PPARA: variants seen among roughly 807,000 people sequenced by gnomAD.
PPARA encodes peroxisome proliferator activated receptor alpha, also known as peroxisome proliferator-activated receptor alpha.
Under a neutral mutation model 42.2 loss-of-function variants are expected in PPARA, and 22 were observed. The ratio of observed to expected loss-of-function variants is 0.52; its 90% confidence interval spans 0.37 to 0.74. The LOEUF is 0.74. Among genes scored for constraint, PPARA ranks in the 30% least tolerant of loss-of-function variants. The probability of loss-of-function intolerance (pLI) is 0.00; values close to 1 mark genes in which losing one functional copy is unlikely to be tolerated. For synonymous variants in PPARA, 242 were observed against 239.3 expected (o/e 1.01, Z -0.10); for missense variants, 465 against 608.2 (o/e 0.76, Z 2.48).
chr22:46,193,034 A>G lies in PPARA; in HGVS notation c.-42-5308A>G, dbSNP rs560729607. 7.9e-5 allele frequency among the ~76,000 whole-genome samples: 12 copies of G among 152,194 alleles called. No individual in the cohort carries two copies. The highest frequency in any genetic ancestry group is 2.9e-4 in the African/African-American group (12 of 41,550). On this transcript the variant is annotated intron_variant, in intron 3 of 8. Transcript: ENST00000407236. This position sits in a 1 kb window ranked among gnomAD's most constrained non-coding sequence, Gnocchi z 5.3. ...TTAACAGGTACAAAAAACTAGAAAGAATGAATAAGACCCACTAGGTTTTTT... is the reference window on the plus strand; with the variant it reads ...TTAACAGGTACAAAAAACTAGAAAGGATGAATAAGACCCACTAGGTTTTTT...
chr22:46,229,534 G>T lies in PPARA; in HGVS notation c.712-2258G>T, dbSNP rs150258272. Among the ~76,000 whole-genome samples the T allele has an allele frequency of 2.0e-3, 307 of 151,964 alleles. 2 individuals carry two copies. The highest frequency in any genetic ancestry group is 7.3e-3 in the African/African-American group (301 of 41,440). On this transcript the variant is annotated intron_variant, in intron 7 of 8. Coordinates refer to ENST00000407236, the MANE Select transcript of PPARA (RefSeq NM_005036.6). ...GGATTGCACCACTGCACTCCAGCCT[G>T]GGCAACAGAGCAAGACTCTGTCTCA...
intron 4 of PPARA, among the ~76,000 whole-genome samples, chr22:46,202,580 TA>T (rs1240442936): frequency 6.6e-6 from 1 of 151,778 alleles, no homozygotes; most frequent in South Asian, 2.1e-4. Context: ...CTACTAAAAA[TA>T]AAAAAAATTA....
At chr22:46,214,312 G>T (rs1238855229) in intron 4 of PPARA, among the ~76,000 whole-genome samples, 1 of 150,682 alleles carries the variant, frequency 6.6e-6, no homozygotes, top group Non-Finnish European at 1.5e-5. Flanking sequence ...GTGCGGGTCC[G>T]ATGTGTGGGT....
rs1934014673 is a variant in PPARA at position 46,212,289 on chromosome 22, T to G, written c.209-2884T>G. 6.6e-6 allele frequency among the ~76,000 whole-genome samples: 1 copy of G among 151,270 alleles called. No homozygotes were observed. On this transcript the variant is annotated intron_variant, in intron 4 of 8. Transcript: ENST00000407236. This position sits in a 1 kb window ranked among gnomAD's most constrained non-coding sequence, Gnocchi z 4.2. ...CCAGGCTGGTCTCAAACTCCTGAGC[T>G]CAAGTTATCTGCCAGCCTCGGCCTC...
chr22:46,153,900 GAGA>G (rs1246499397), intron 2 of PPARA, among the ~76,000 whole-genome samples: 1 of 152,114 alleles, frequency 6.6e-6, no homozygotes, highest in Non-Finnish European at 1.5e-5. Flanking sequence ...GAACTAGACA[GAGA>G]AGAAGGAGAA....
intron 3 of PPARA, among the ~76,000 whole-genome samples, chr22:46,194,930 C>A (rs1048757103): frequency 3.8e-5 from 5 of 129,924 alleles, no homozygotes; most frequent in African/African-American, 1.5e-4. Context: ...GAGACAAAGT[C>A]TTGCTCTTGT....
Position 46,230,239 on chromosome 22 carries a change from C to T in PPARA, c.712-1553C>T, listed in dbSNP as rs369933997. ...ATACAAAATTAGCTGGGCGTGGTGG[C>T]GCATGCCTGTAATCCCAGCTACTCA... On this transcript the variant is annotated intron_variant, in intron 7 of 8. Transcript: ENST00000407236. The surrounding 1 kb of genome is among the most constrained non-coding windows in gnomAD (Gnocchi z 5.0). 3.2e-4 allele frequency among the ~76,000 whole-genome samples: 48 copies of T among 152,238 alleles called. No homozygotes were observed. Among genetic ancestry groups the T allele is most frequent in the African/African-American group, 1.1e-3 (45 of 41,540 alleles).
At chr22:46,223,321 G>C (rs953814944) in intron 7 of PPARA, among the ~76,000 whole-genome samples, 7 of 152,048 alleles carry the variant, frequency 4.6e-5, no homozygotes, top group Admixed American at 1.3e-4. Context: ...CTAGCAGGCG[G>C]GAATCTGTTT....
chr22:46,165,000 C>T (rs1926821275), intron 2 of PPARA: 1 of 152,018 alleles, frequency 6.6e-6, no homozygotes, highest in South Asian at 2.1e-4. Flanking sequence ...AGTTGGGGAA[C>T]TCCATTTCTT....
Position 46,240,090 on chromosome 22 carries a change from A to G in PPARA, c.*4710A>G. On this transcript the variant is annotated 3_prime_UTR_variant, in exon 9 of 9. Transcript: ENST00000407236. The surrounding 1 kb of genome is among the most constrained non-coding windows in gnomAD (Gnocchi z 6.0). The stretch of plus-strand genomic sequence containing the variant: ...GTGGGGGGCTTCCTGGGGCCTGGGG[A>G]AAGCTGGCCACCTTCAACAGCTGGT... The G allele has an allele frequency of 2.5e-6, 1 of 398,830 alleles. No homozygotes were observed. The highest frequency in any genetic ancestry group is 4.4e-6 in the Non-Finnish European group (1 of 226,468). 24.7% of individuals were successfully genotyped at this position (398,830 alleles called of 1,614,324 possible).
At chr22:46,226,051 T>G (rs1195434247) in intron 7 of PPARA, among the ~76,000 whole-genome samples, 2 of 150,374 alleles carry the variant, frequency 1.3e-5, no homozygotes, top group African/African-American at 5.0e-5. Flanking sequence ...ACTTACAAAC[T>G]ACACATGTGC....
Position 46,216,500 on chromosome 22 carries a change from G to A in PPARA, c.369+1167G>A, listed in dbSNP as rs1934506746. ...TGGAGCCTCCCTGAAGGCCAGGTGG[G>A]GCAGGTGTTCTCATGCTCCTGCCAG... On this transcript the variant is annotated intron_variant, in intron 5 of 8. Coordinates refer to ENST00000407236, the MANE Select transcript of PPARA (RefSeq NM_005036.6). This position sits in a 1 kb window ranked among gnomAD's most constrained non-coding sequence, Gnocchi z 4.5. Among the ~76,000 whole-genome samples the A allele has an allele frequency of 6.6e-6, 1 of 152,198 alleles. No individual in the cohort carries two copies. Among genetic ancestry groups the A allele is most frequent in the Non-Finnish European group, 1.5e-5 (1 of 68,036 alleles).
intron 4 of PPARA, among the ~76,000 whole-genome samples, chr22:46,198,939 G>A (rs963743399): frequency 1.2e-4 from 19 of 152,132 alleles, no homozygotes; most frequent in African/African-American, 4.6e-4. Flanking sequence ...GATTATAGGC[G>A]TGAGCCACCG....
Position 46,232,329 on chromosome 22 carries a change from A to G in PPARA, c.1159+90A>G. 2.9e-6 allele frequency: 4 copies of G among 1,356,432 alleles called. No individual in the cohort carries two copies. Among genetic ancestry groups the G allele is most frequent in the Non-Finnish European group, 4.2e-6 (4 of 949,974 alleles). The allele number at this position is 1,356,432 out of a possible 1,614,324, so 84.0% of individuals were successfully genotyped here. A position where few individuals can be genotyped will look rare whatever the true frequency, so the allele number is the denominator to read the frequency against. On this transcript the variant is annotated intron_variant, in intron 8 of 8. Coordinates refer to ENST00000407236, the MANE Select transcript of PPARA (RefSeq NM_005036.6). This position sits in a 1 kb window ranked among gnomAD's most constrained non-coding sequence, Gnocchi z 5.3. The stretch of plus-strand genomic sequence containing the variant: ...CAATGGGAAATCCAGTACCAGCCTG[A>G]GCTGTTCCAGTGGAGGGGACACTCA...
At chr22:46,209,705 C>G (rs1933734742) in intron 4 of PPARA, among the ~76,000 whole-genome samples, 1 of 152,160 alleles carries the variant, frequency 6.6e-6, no homozygotes, top group Non-Finnish European at 1.5e-5. Context: ...CAGTCTTTCA[C>G]TCAGCTTCTT....
rs140428221 is a variant in PPARA, at chr22:46,192,706, C to T, written c.-42-5636C>T. Among the ~76,000 whole-genome samples the T allele has an allele frequency of 1.2e-3, 181 of 152,236 alleles. No homozygotes were observed. The highest frequency in any genetic ancestry group is 4.2e-3 in the African/African-American group (174 of 41,538). On this transcript the variant is annotated intron_variant, in intron 3 of 8. Transcript: ENST00000407236. This position sits in a 1 kb window ranked among gnomAD's most constrained non-coding sequence, Gnocchi z 4.3. ...TTTGTTGCAACACTGTTTACAATAG[C>T]TAAGATTTGGAAGCAACCTAAGTGT...
intron 2 of PPARA, among the ~76,000 whole-genome samples, chr22:46,169,748 T>C (rs1010786658): frequency 3.9e-5 from 6 of 152,058 alleles, no homozygotes; most frequent in African/African-American, 1.4e-4. Context: ...ATTATGTTAT[T>C]AAGAGAGCTT....
At position 46,235,193 on chromosome 22, in the gene PPARA, T is replaced by C. The variant is rs1294213591; in HGVS notation, c.1220T>C (p.Val407Ala). The change falls in exon 9 of 9, where the codon GTG (valine) becomes GCG (alanine). Residue 407 changes from valine (V) to alanine (A), a missense_variant. By Grantham distance (64) the Val-to-Ala change is moderately conservative. Transcript: ENST00000407236. This position sits in a 1 kb window ranked among gnomAD's most constrained non-coding sequence, Gnocchi z 7.0. The stretch of plus-strand genomic sequence containing the variant: ...AAAATGCAGGAGGGTATTGTACATG[T>C]GCTCAGACTCCACCTGCAGAGCAAC... ...IEKMQEGIVH[V>A]LRLHLQSNHP... The C allele has an allele frequency of 1.2e-6, 2 of 1,613,964 alleles. No homozygotes were observed. The highest frequency in any genetic ancestry group is 1.7e-6 in the Non-Finnish European group (2 of 1,179,966).
At chr22:46,175,322 A>C (rs1314123959) in intron 2 of PPARA, among the ~76,000 whole-genome samples, 2 of 152,196 alleles carry the variant, frequency 1.3e-5, no homozygotes, top group Admixed American at 6.5e-5. Flanking sequence ...ATCAGTGGTC[A>C]TGGTGCCTTT....
Sources: gnomAD v4.1 joint callset for allele counts (sites outside exome capture counted in the v4.1 genomes callset) on GRCh38, gnomAD v4.1.1 for gene constraint, Gnocchi (gnomAD v3.1) non-coding constraint, MANE v1.5 for transcripts, NCBI Gene and HGNC (gene_info 2026-07-23, HGNC 2026-07-21) for gene names.